The following GOLGA2 variants were observed in gnomAD, a reference collection of about 807,000 sequenced individuals.
GOLGA2 encodes golgin A2.
GOLGA2 carries 49 observed loss-of-function variants against 148.8 expected under a neutral mutation model. The ratio of observed to expected loss-of-function variants is 0.33; its 90% CI spans 0.26 to 0.42. GOLGA2 has a LOEUF of 0.42. GOLGA2 is among the 10% of genes least tolerant of loss of function. GOLGA2 has a pLI of 1.00. For missense variants in GOLGA2, 1,178 were observed against 1,304.6 expected, an observed-to-expected ratio of 0.90 and a Z score of 1.49; for synonymous variants, 501 against 511.8, an observed-to-expected ratio of 0.98 and a Z score of 0.28.
intron 12 of GOLGA2, 43 bp from the exon 13 acceptor site, chr9:128,263,135 G>A (rs1001794468): frequency 5.2e-6 from 7 of 1,351,858 alleles, no homozygotes; most frequent in Admixed American, 1.7e-5. Context: ...GCAGGCAGAG[G>A]AGCAGCTGGC....
chr9:128,258,582 GC>G lies in GOLGA2; in HGVS notation c.2174-13del. Reference sequence around the variant, plus strand: ...GTCCAGTCCATCTCCTATGGGGGTGGCCAGAGGGGTCATCAGACAACCCAAC... The same window carrying G: ...GTCCAGTCCATCTCCTATGGGGGTGGCAGAGGGGTCATCAGACAACCCAAC... On this transcript the variant is annotated splice_polypyrimidine_tract_variant and intron_variant, in intron 21 of 26. Transcript: ENST00000611957. This position sits in a 1 kb window ranked among gnomAD's most constrained non-coding sequence, Gnocchi z 6.6. 6.5e-7 allele frequency: 1 copy of G among 1,544,950 alleles called. No individual in the cohort carries two copies. The highest frequency in any genetic ancestry group is 8.8e-7 in the Non-Finnish European group (1 of 1,142,616).
In GOLGA2 at chr9:128,256,341, C is replaced by T. The variant is rs1829859080; in HGVS notation, c.*726G>A. On this transcript the variant is annotated 3_prime_UTR_variant, in exon 27 of 27. Transcript: ENST00000611957. Reference sequence around the variant, plus strand: ...AAGGGTCTACACATTTGTCTCCCCCCATTAGACAGGGGTCTTATTTGCTAC... The same window carrying T: ...AAGGGTCTACACATTTGTCTCCCCCTATTAGACAGGGGTCTTATTTGCTAC... 6.6e-6 allele frequency: 1 copy of T among 152,366 alleles called. No homozygotes were observed. Among genetic ancestry groups the T allele is most frequent in the Non-Finnish European group, 1.5e-5 (1 of 68,140 alleles). The allele number at this position is 152,366 out of a possible 1,614,324, so 9.4% of individuals were successfully genotyped here.
At chr9:128,270,459 G>C (rs1375763735) in intron 3 of GOLGA2, among the ~76,000 whole-genome samples, 1 of 151,954 alleles carries the variant, frequency 6.6e-6, no homozygotes, top group East Asian at 1.9e-4. Context: ...AGGACTTTCT[G>C]ACACACATAG....
intron 1 of GOLGA2, 91 bp downstream of exon 1, chr9:128,275,802 T>TGACAG: frequency 1.4e-6 from 1 of 698,006 alleles, no homozygotes; most frequent in Admixed American, 3.3e-5. Context: ...CAGCCCGGTG[T>TGACAG]GCCTCAGGAG....
In GOLGA2 at chr9:128,266,160, G is replaced by A; in HGVS notation, c.681+127C>T. On this transcript the variant is annotated intron_variant, in intron 9 of 26. Coordinates refer to ENST00000611957, the MANE Select transcript of GOLGA2 (RefSeq NM_001366244.2). The surrounding 1 kb of genome is among the most constrained non-coding windows in gnomAD (Gnocchi z 4.2). ...TTATCAGGGACCCTGTGGGGATGGG[G>A]TGGAATCTGGGGGGGTGAGCCTTCT... 3 of 1,369,580 alleles carry A rather than the reference G, an allele frequency of 2.2e-6. No individual in the cohort carries two copies. Among genetic ancestry groups the A allele is most frequent in the South Asian group, 2.3e-5 (2 of 86,004 alleles). The allele number at this position is 1,369,580 out of a possible 1,614,324, so 84.8% of individuals were successfully genotyped here.
rs112603354 is a variant in GOLGA2, at chr9:128,258,516, GCCTCCTCCT to G, written c.2219_2227del (p.Glu740_Glu742del). 25 of 1,588,566 alleles carry G rather than the reference GCCTCCTCCT, an allele frequency of 1.6e-5. No homozygotes were observed. The highest frequency in any genetic ancestry group is 6.8e-5 in the South Asian group (6 of 87,970). On this transcript the variant is annotated inframe_deletion, in exon 22 of 27. Transcript: ENST00000611957. The surrounding 1 kb of genome is among the most constrained non-coding windows in gnomAD (Gnocchi z 6.6). ...TGGCATGGGCTGAGGTACTGCCACC[GCCTCCTCCT>G]CCTCCTCCTCCTCATCCTCCTCCTC... is the stretch of plus-strand genomic sequence containing the variant.
In GOLGA2 at chr9:128,257,601, C is replaced by G. The variant is rs1409755725; in HGVS notation, c.2718G>C (p.Lys906Asn). 6.2e-7 allele frequency: 1 copy of G among 1,613,956 alleles called. No homozygotes were observed. The change falls in exon 25 of 27, where the codon AAG becomes AAC. Residue 906 changes from lysine (K) to asparagine (N), a missense_variant and splice_region_variant. Transcript: ENST00000611957. This position sits in a 1 kb window ranked among gnomAD's most constrained non-coding sequence, Gnocchi z 8.0. ...CCCCCAGAGATGTTCCACACCCTAC[C>G]TTCATCTCCTCCTTGTCTTGGGCCA... The part of the protein sequence containing the change: ...SRLAQDKEEM[K>N]VKLLELQELV...
In GOLGA2 at chr9:128,266,961, C is replaced by G; in HGVS notation, c.642+233G>C. 3.3e-6 allele frequency: 2 copies of G among 597,614 alleles called. No individual in the cohort carries two copies. Among genetic ancestry groups the G allele is most frequent in the South Asian group, 4.0e-5 (2 of 49,766 alleles). The allele number at this position is 597,614 out of a possible 1,614,324, so 37.0% of individuals were successfully genotyped here. On this transcript the variant is annotated intron_variant, in intron 8 of 26. Coordinates refer to ENST00000611957, the MANE Select transcript of GOLGA2 (RefSeq NM_001366244.2). The surrounding 1 kb of genome is among the most constrained non-coding windows in gnomAD (Gnocchi z 4.2). ...GGCAACAACCCCAGGGCGTGTGTGG[C>G]AAGGACTCGAGCAGGGGTGTCTAGA...
chr9:128,267,073 C>A, intron 8 of GOLGA2, 121 bp downstream of exon 8: 1 of 767,342 alleles, frequency 1.3e-6, no homozygotes, highest in Admixed American at 1.9e-5. Context: ...AGGCCTGGGC[C>A]CCCCAGCTCC....
Position 128,257,591 on chromosome 9 carries a change from C to T in GOLGA2, c.2718+10G>A. 6.2e-7 allele frequency: 1 copy of T among 1,614,012 alleles called. No individual in the cohort carries two copies. The highest frequency in any genetic ancestry group is 8.5e-7 in the Non-Finnish European group (1 of 1,179,884). On this transcript the variant is annotated intron_variant, in intron 25 of 26. Transcript: ENST00000611957. The surrounding 1 kb of genome is among the most constrained non-coding windows in gnomAD (Gnocchi z 8.0). ...CCCACCTCCACCCCCAGAGATGTTC[C>T]ACACCCTACCTTCATCTCCTCCTTG...
rs1029090620 is a variant in GOLGA2, at chr9:128,274,340, C to T, written c.85-368G>A. 2.0e-5 allele frequency among the ~76,000 whole-genome samples: 3 copies of T among 152,006 alleles called. No individual in the cohort carries two copies. In the East Asian group the frequency reaches 5.8e-4, roughly 29 times the overall value. ...TGGTTTCACGCACTAATTACGGTTC[C>T]GAGGGGGACTGCGACATCACTACAT... On this transcript the variant is annotated intron_variant, in intron 1 of 26. Transcript: ENST00000611957.
chr9:128,268,448 G>T lies in GOLGA2; in HGVS notation c.365C>A (p.Ala122Asp). The T allele has an allele frequency of 6.2e-7, 1 of 1,609,024 alleles. No individual in the cohort carries two copies. The highest frequency in any genetic ancestry group is 8.5e-7 in the Non-Finnish European group (1 of 1,175,862). Residue 122 changes from alanine to aspartate, a missense_variant, in exon 4 of 27, where the codon GCC (alanine) becomes GAC (aspartate). By Grantham distance (126) the Ala-to-Asp change is moderately radical. Transcript: ENST00000611957. The part of the protein sequence containing the change: ...VLPGGVPSPG[A>D]SLTSMAASQN... ...AGATGCCGCCATGCTAGTGAGACTG[G>T]CACCAGGGGAAGGGACACCGCCAGG...
chr9:128,266,805 T>G lies in GOLGA2; in HGVS notation c.642+389A>C. 1 of 375,798 alleles carries G rather than the reference T, an allele frequency of 2.7e-6. No homozygotes were observed. 23.3% of individuals were successfully genotyped at this position (375,798 alleles called of 1,614,324 possible). ...TAAGAGACCTTTGATACTCTCTAAC[T>G]CTACCTCCTCAGGAAATGCAAGCCC... On this transcript the variant is annotated intron_variant, in intron 8 of 26. Coordinates refer to ENST00000611957, the MANE Select transcript of GOLGA2 (RefSeq NM_001366244.2). This position sits in a 1 kb window ranked among gnomAD's most constrained non-coding sequence, Gnocchi z 4.2.
rs1830976528 is a variant in GOLGA2, at chr9:128,271,982, G to A, written c.288+803C>T. Among the ~76,000 whole-genome samples the A allele has an allele frequency of 6.7e-6, 1 of 149,442 alleles. No individual in the cohort carries two copies. The highest frequency in any genetic ancestry group is 2.1e-4 in the South Asian group (1 of 4,712). On this transcript the variant is annotated intron_variant, in intron 3 of 26. Transcript: ENST00000611957. This position sits in a 1 kb window ranked among gnomAD's most constrained non-coding sequence, Gnocchi z 4.4. ...TAGCTTCAATCCTTCCAACTATAAT[G>A]TGAACTCATTTTCTTTTAACCCTTT...
chr9:128,272,897 A>G lies in GOLGA2; in HGVS notation c.208-32T>C, dbSNP rs758397933. Reference sequence around the variant, plus strand: ...GAGGCGAAAAGGGAAAAACAAGGGCAGGGGGAGAAAGGTAGAAGTGGCTTA... The same window carrying G: ...GAGGCGAAAAGGGAAAAACAAGGGCGGGGGGAGAAAGGTAGAAGTGGCTTA... On this transcript the variant is annotated intron_variant, in intron 2 of 26. Coordinates refer to ENST00000611957, the MANE Select transcript of GOLGA2 (RefSeq NM_001366244.2). 5 of 920,336 alleles carry G rather than the reference A, an allele frequency of 5.4e-6. No individual in the cohort carries two copies. The East Asian group carries it at 3.1e-4, about 57-fold the overall frequency. 57.0% of individuals were successfully genotyped at this position (920,336 alleles called of 1,614,324 possible).
At chr9:128,267,896 T>TGC in intron 6 of GOLGA2, 38 bp downstream of exon 6, 1 of 1,488,582 alleles carries the variant, frequency 6.7e-7, no homozygotes, top group Non-Finnish European at 9.4e-7. Context: ...ATAGTTCCCT[T>TGC]CCCCCCACCC....
In GOLGA2 at chr9:128,266,796, C is replaced by G; in HGVS notation, c.642+398G>C. 3 of 357,138 alleles carry G rather than the reference C, an allele frequency of 8.4e-6. No homozygotes were observed. The highest frequency in any genetic ancestry group is 1.0e-5 in the Non-Finnish European group (2 of 193,868). The allele number at this position is 357,138 out of a possible 1,614,324, so 22.1% of individuals were successfully genotyped here. A position where few individuals can be genotyped will look rare whatever the true frequency, so the allele number is the denominator to read the frequency against. Reference sequence around the variant, plus strand: ...TCTCAGAGCTAAGAGACCTTTGATACTCTCTAACTCTACCTCCTCAGGAAA... The same window carrying G: ...TCTCAGAGCTAAGAGACCTTTGATAGTCTCTAACTCTACCTCCTCAGGAAA... On this transcript the variant is annotated intron_variant, in intron 8 of 26. Coordinates refer to ENST00000611957, the MANE Select transcript of GOLGA2 (RefSeq NM_001366244.2). The surrounding 1 kb of genome is among the most constrained non-coding windows in gnomAD (Gnocchi z 4.2).
In GOLGA2 at chr9:128,257,394, T is replaced by C; in HGVS notation, c.2850A>G (p.Glu950=). The C allele has an allele frequency of 6.2e-7, 1 of 1,613,000 alleles. No homozygotes were observed. The highest frequency in any genetic ancestry group is 8.5e-7 in the Non-Finnish European group (1 of 1,179,962). ...EPTSGAPAPQ[E]LGAANQQGDL... is the part of the protein sequence containing the mutation. ...CACCCTGCTGGTTGGCAGCCCCAAG[T>C]TCCTGGGGGGCTGGGGCCCCTGAAG... is the stretch of plus-strand genomic sequence containing the variant. The change falls in exon 26 of 27, where the codon GAA becomes GAG. Residue 950 remains glutamate (E), a synonymous_variant. Transcript: ENST00000611957. This position sits in a 1 kb window ranked among gnomAD's most constrained non-coding sequence, Gnocchi z 8.0.
At chr9:128,275,835 C>T in intron 1 of GOLGA2, 58 bp downstream of exon 1, 2 of 897,964 alleles carry the variant, frequency 2.2e-6, no homozygotes, top group South Asian at 1.5e-5. Flanking sequence ...TGGCCATGGT[C>T]CTGCCATCGG....
Sources: allele counts gnomAD v4.1 joint callset (sites outside exome capture counted in the v4.1 genomes callset), GRCh38; gene constraint gnomAD v4.1.1; non-coding constraint Gnocchi (gnomAD v3.1); transcripts MANE v1.5; gene names NCBI Gene and HGNC (gene_info 2026-07-23, HGNC 2026-07-21).